Variants in GAN observed in about 807,000 individuals in gnomAD.
GAN encodes epididymis secretory sperm binding protein.
GAN carries 48 observed loss-of-function variants against 71.3 expected under a neutral mutation model. That is an observed-to-expected ratio of 0.67 (90% CI 0.53 to 0.86). GAN has a LOEUF of 0.86. Ranked by LOEUF, GAN falls within the 40% of genes least tolerant of loss-of-function variation. GAN has a pLI of 0.00. For missense variants in GAN, 928 were observed against 770.1 expected (o/e 1.21, Z -2.43); for synonymous variants, 386 against 276.8 (o/e 1.39, Z -3.92).
intron 1 of GAN, among the ~76,000 whole-genome samples, chr16:81,349,787 T>C (rs776724284): frequency 1.6e-4 from 24 of 152,206 alleles, no homozygotes; most frequent in Non-Finnish European, 2.6e-4. Context: ...TAAGAAGTTC[T>C]CCCTGTAACT....
chr16:81,361,816 T>C (rs539655658), intron 5 of GAN, among the ~76,000 whole-genome samples: 36 of 152,282 alleles, frequency 2.4e-4, no homozygotes, highest in Admixed American at 2.0e-3. Flanking sequence ...CATTTCAGCC[T>C]CCTGAGTAGT....
intron 1 of GAN, among the ~76,000 whole-genome samples, chr16:81,317,155 C>T (rs540350142): frequency 1.1e-4 from 17 of 152,328 alleles, no homozygotes; most frequent in South Asian, 8.3e-4. Flanking sequence ...TGGCACCCGG[C>T]GGTGTTTTCT....
intron 1 of GAN, among the ~76,000 whole-genome samples, chr16:81,319,222 A>ATATATATATATATC (rs1043279307): frequency 6.7e-6 from 1 of 148,566 alleles, no homozygotes; most frequent in African/African-American, 2.5e-5. Flanking sequence ...ATATATATAT[A>ATATATATATATATC]TATCTAACAA....
chr16:81,384,849 T>G lies in GAN; in HGVS notation c.*7253T>G, dbSNP rs1441584721. 1 of 152,768 alleles carries G rather than the reference T, an allele frequency of 6.5e-6. No individual in the cohort carries two copies. The highest frequency in any genetic ancestry group is 1.5e-5 in the Non-Finnish European group (1 of 68,028). The allele number at this position is 152,768 out of a possible 1,614,324, so 9.5% of individuals were successfully genotyped here. Reference sequence around the variant, plus strand: ...CCCTAGTGTCTGTCAGCTTGCCTGGTCACCAAGTCAGGAGGAAGAAGATGA... The same window carrying G: ...CCCTAGTGTCTGTCAGCTTGCCTGGGCACCAAGTCAGGAGGAAGAAGATGA... On this transcript the variant is annotated 3_prime_UTR_variant, in exon 11 of 11. Transcript: ENST00000648994.
At chr16:81,371,895 C>G (rs1008006083) in intron 9 of GAN, 2 of 152,164 alleles carry the variant, frequency 1.3e-5, no homozygotes, top group African/African-American at 4.8e-5. Context: ...TTCCAGAGTG[C>G]TCAGGTAGTT....
intron 1 of GAN, among the ~76,000 whole-genome samples, chr16:81,319,561 A>G (rs1370361131): frequency 1.3e-5 from 2 of 152,158 alleles, no homozygotes; most frequent in Non-Finnish European, 2.9e-5. Context: ...CAGTCCTGTG[A>G]TCACTTGTAA....
rs1311397083 is a variant in GAN at position 81,388,857 on chromosome 16, G to A, written c.*11261G>A. 6.6e-6 allele frequency: 1 copy of A among 152,242 alleles called. No individual in the cohort carries two copies. The highest frequency in any genetic ancestry group is 1.5e-5 in the Non-Finnish European group (1 of 68,042). 9.4% of individuals were successfully genotyped at this position (152,242 alleles called of 1,614,324 possible). A position where few individuals can be genotyped will look rare whatever the true frequency, so the allele number is the denominator to read the frequency against. ...CGGAAACTAGAACTGCTTGTTTCCA[G>A]GAGAGACCACCTTTTCATATTTTTT... On this transcript the variant is annotated 3_prime_UTR_variant, in exon 11 of 11. Coordinates refer to ENST00000648994, the MANE Select transcript of GAN (RefSeq NM_022041.4).
At chr16:81,324,462 G>A (rs547519048) in intron 1 of GAN, among the ~76,000 whole-genome samples, 12 of 152,268 alleles carry the variant, frequency 7.9e-5, no homozygotes, top group African/African-American at 2.6e-4. Flanking sequence ...GCAGGGGGAG[G>A]CACCAGGATC....
At chr16:81,315,812 A>G (rs1305106241) in intron 1 of GAN, among the ~76,000 whole-genome samples, 1 of 152,258 alleles carries the variant, frequency 6.6e-6, no homozygotes, top group African/African-American at 2.4e-5. Flanking sequence ...GGGAGGCCAG[A>G]CAGACAGCGC....
chr16:81,366,649 G>A (rs1910866321), intron 9 of GAN, among the ~76,000 whole-genome samples: 1 of 151,970 alleles, frequency 6.6e-6, no homozygotes, highest in South Asian at 2.1e-4. Flanking sequence ...TTAAATTTAG[G>A]GTATTTGCAT....
intron 2 of GAN, among the ~76,000 whole-genome samples, chr16:81,353,012 C>G (rs1203144265): frequency 6.6e-6 from 1 of 152,210 alleles, no homozygotes; most frequent in Non-Finnish European, 1.5e-5. Flanking sequence ...ATAGTTGGGG[C>G]CGGGCGCGGT....
chr16:81,338,968 A>C (rs1301503568), intron 1 of GAN, among the ~76,000 whole-genome samples: 1 of 152,360 alleles, frequency 6.6e-6, no homozygotes, highest in East Asian at 1.9e-4. Context: ...CCTGCCCATG[A>C]TCATAGAAGC....
At chr16:81,349,952 AT>A (rs894564365) in intron 1 of GAN, among the ~76,000 whole-genome samples, 44 of 151,922 alleles carry the variant, frequency 2.9e-4, no homozygotes, top group African/African-American at 1.0e-3. Flanking sequence ...TTTCACTTGA[AT>A]TTTTTTTTAA....
intron 1 of GAN, among the ~76,000 whole-genome samples, chr16:81,338,643 TAAGTTGGG>T (rs1442456427): frequency 3.9e-5 from 6 of 152,268 alleles, no homozygotes; most frequent in African/African-American, 1.4e-4. Context: ...TATAGAGATT[TAAGTTGGG>T]AAGTTGGGGG....
At position 81,351,767 on chromosome 16, in the gene GAN, C is replaced by A. The variant is rs1047056995; in HGVS notation, c.282+70C>A. 3 of 794,232 alleles carry A rather than the reference C, an allele frequency of 3.8e-6. No individual in the cohort carries two copies. The African/African-American group carries it at 5.1e-5, about 13-fold the overall frequency. 49.2% of individuals were successfully genotyped at this position (794,232 alleles called of 1,614,324 possible). ...CAAGCTCAGGGTGAGGGTCTCCTTT[C>A]ATCCATTATATGACAAAGTAGCACT... is the stretch of plus-strand genomic sequence containing the variant. On this transcript the variant is annotated intron_variant, in intron 2 of 10. Coordinates refer to ENST00000648994, the MANE Select transcript of GAN (RefSeq NM_022041.4).
chr16:81,317,261 G>A (rs1597386513), intron 1 of GAN, among the ~76,000 whole-genome samples: 1 of 152,208 alleles, frequency 6.6e-6, no homozygotes, highest in Admixed American at 6.5e-5. Context: ...CACAGCAAAT[G>A]TGTACATTAG....
intron 1 of GAN, among the ~76,000 whole-genome samples, chr16:81,317,941 A>G (rs1010342578): frequency 2.0e-5 from 3 of 152,128 alleles, no homozygotes; most frequent in African/African-American, 7.2e-5. Context: ...GAATTGCTTT[A>G]AGTTTATTTG....
intron 9 of GAN, among the ~76,000 whole-genome samples, chr16:81,372,222 C>A (rs774302150): frequency 4.2e-4 from 64 of 152,182 alleles, no homozygotes; most frequent in Non-Finnish European, 8.1e-4. Flanking sequence ...TACTGACAAG[C>A]CCGTTTGAAA....
At chr16:81,316,169 C>T (rs996353299) in intron 1 of GAN, among the ~76,000 whole-genome samples, 2 of 152,144 alleles carry the variant, frequency 1.3e-5, no homozygotes, top group Admixed American at 1.3e-4. Context: ...TAGCAACCTT[C>T]TTGCAAACTA....
Sources: allele counts gnomAD v4.1 joint callset (sites outside exome capture counted in the v4.1 genomes callset), GRCh38; gene constraint gnomAD v4.1.1; transcripts MANE v1.5; gene names NCBI Gene and HGNC (gene_info 2026-07-23, HGNC 2026-07-21).